Variants in RNF13 observed in about 807,000 individuals in gnomAD.
The protein encoded by RNF13 is E3 ubiquitin-protein ligase RNF13.
RNF13 carries 19 observed loss-of-function variants against 37.7 expected under a neutral mutation model. That is an observed-to-expected ratio of 0.50 (90% CI 0.35 to 0.74). The LOEUF (loss-of-function observed/expected upper bound fraction) is 0.74. RNF13 is among the 30% of genes least tolerant of loss of function. The pLI, the probability that RNF13 is intolerant of heterozygous loss-of-function variation, is 0.01. For missense variants in RNF13, 375 were observed against 453.0 expected (o/e 0.83, Z 1.56); for synonymous variants, 144 against 157.8 (o/e 0.91, Z 0.65).
At chr3:149,928,004 C>CT (rs766839142) in intron 8 of RNF13, among the ~76,000 whole-genome samples, 6,666 of 111,140 alleles carry the variant, frequency 0.06, 224 homozygotes, top group African/African-American at 0.093. Context: ...AAGCAAAAAC[C>CT]TTTTTTTTTT....
chr3:149,844,858 C>A (rs993692600), intron 1 of RNF13, among the ~76,000 whole-genome samples: 1 of 152,070 alleles, frequency 6.6e-6, no homozygotes, highest in Non-Finnish European at 1.5e-5. Flanking sequence ...AGTTGTGCAA[C>A]CATCACCAGA....
At chr3:149,924,034 G>A (rs1226797096) in intron 8 of RNF13, among the ~76,000 whole-genome samples, 1 of 152,174 alleles carries the variant, frequency 6.6e-6, no homozygotes, top group Non-Finnish European at 1.5e-5. Flanking sequence ...GTGGCTTGGG[G>A]TGATATCAGT....
At chr3:149,941,936 A>C (rs1720327510) in intron 8 of RNF13, among the ~76,000 whole-genome samples, 1 of 98,282 alleles carries the variant, frequency 1.0e-5, no homozygotes, top group Non-Finnish European at 2.2e-5. Flanking sequence ...TGGATATCCC[A>C]GTTTTCCCAG....
chr3:149,868,405 ACT>A (rs1238857597), intron 3 of RNF13, among the ~76,000 whole-genome samples: 1 of 149,864 alleles, frequency 6.7e-6, no homozygotes, highest in African/African-American at 2.4e-5. Flanking sequence ...GTGGTGGTAA[ACT>A]CTCTCAACTT....
chr3:149,826,855 C>T (rs1720554020), intron 1 of RNF13, among the ~76,000 whole-genome samples: 1 of 152,196 alleles, frequency 6.6e-6, no homozygotes, highest in Admixed American at 6.5e-5. Flanking sequence ...TTCCTGGGCT[C>T]AAACGATCCT....
intron 7 of RNF13, 105 bp from the exon 8 acceptor site, chr3:149,921,029 T>A (rs907998023): frequency 2.4e-5 from 9 of 382,096 alleles, no homozygotes; most frequent in African/African-American, 1.9e-4. Flanking sequence ...ATTGAATTGA[T>A]TTGCAGTAGC....
intron 3 of RNF13, among the ~76,000 whole-genome samples, chr3:149,861,482 A>G (rs1724250103): frequency 6.6e-6 from 1 of 152,188 alleles, no homozygotes. Context: ...TCACAACATG[A>G]ATGGAATTAG....
chr3:149,890,664 A>C (rs1714602279), intron 4 of RNF13, among the ~76,000 whole-genome samples: 1 of 152,204 alleles, frequency 6.6e-6, no homozygotes, highest in Non-Finnish European at 1.5e-5. Context: ...CTAATCTGCC[A>C]TTCTGCCTTT....
chr3:149,926,417 A>G (rs1576548826), intron 8 of RNF13, among the ~76,000 whole-genome samples: 2 of 152,012 alleles, frequency 1.3e-5, no homozygotes, highest in Admixed American at 6.6e-5. Flanking sequence ...TCACCATGTT[A>G]GCCAGGATGA....
intron 8 of RNF13, chr3:149,939,114 C>T (rs1247718660): frequency 1.8e-5 from 9 of 512,982 alleles, no homozygotes; most frequent in South Asian, 2.9e-5. Context: ...AGGTCCTTTT[C>T]GTGTTTTAGG....
Position 149,860,256 on chromosome 3 carries a change from T to TAA in RNF13, c.195+7674_195+7675dup, listed in dbSNP as rs764889596. 6.3e-3 allele frequency among the ~76,000 whole-genome samples: 365 copies of TAA among 57,774 alleles called. 8 individuals carry two copies. Among genetic ancestry groups the TAA allele is most frequent in the Admixed American group, 0.017 (80 of 4,624 alleles). 37.9% of individuals were successfully genotyped at this position (57,774 alleles called of 152,430 possible). A position where few individuals can be genotyped will look rare whatever the true frequency, so the allele number is the denominator to read the frequency against. ...CTGGGCAACAGAGAGAGACTCCATC[T>TAA]AAAAAAAAAAAAAAATATATATATA... On this transcript the variant is annotated intron_variant, in intron 3 of 9. Coordinates refer to ENST00000392894, the MANE Select transcript of RNF13 (RefSeq NM_183381.3).
At chr3:149,843,835 C>G (rs560196705) in intron 1 of RNF13, among the ~76,000 whole-genome samples, 40 of 152,314 alleles carry the variant, frequency 2.6e-4, no homozygotes, top group Admixed American at 5.9e-4. Flanking sequence ...AAGTCTTCCC[C>G]ATTTGTGAAA....
At position 149,925,596 on chromosome 3, in the gene RNF13, A is replaced by C. The variant is rs541258860; in HGVS notation, c.700+4369A>C. ...TTTCATTCTGTCTTTTAAAGATTTT[A>C]CTTACCCACTTTACTGTTAATTGAC... On this transcript the variant is annotated intron_variant, in intron 8 of 9. Transcript: ENST00000392894. Among the ~76,000 whole-genome samples the C allele has an allele frequency of 2.6e-5, 4 of 152,150 alleles. No individual in the cohort carries two copies. In the East Asian group the frequency reaches 5.8e-4, roughly 22 times the overall value.
chr3:149,840,031 A>G (rs1722012941), intron 1 of RNF13, among the ~76,000 whole-genome samples: 1 of 152,136 alleles, frequency 6.6e-6, no homozygotes, highest in Non-Finnish European at 1.5e-5. Context: ...TTTTCATTCC[A>G]GAAAATTCTT....
At chr3:149,871,081 GCC>G (rs1711994304) in intron 3 of RNF13, among the ~76,000 whole-genome samples, 1 of 128,712 alleles carries the variant, frequency 7.8e-6, no homozygotes. Flanking sequence ...TCGCTCTATC[GCC>G]CAGGCTGGAG....
intron 1 of RNF13, among the ~76,000 whole-genome samples, chr3:149,841,667 T>TG (rs1722193973): frequency 6.6e-6 from 1 of 152,300 alleles, no homozygotes; most frequent in Non-Finnish European, 1.5e-5. Flanking sequence ...TTGCTCAGGC[T>TG]GGAGTGCAGT....
At chr3:149,838,832 A>C (rs1387266947) in intron 1 of RNF13, among the ~76,000 whole-genome samples, 1 of 148,820 alleles carries the variant, frequency 6.7e-6, no homozygotes, top group East Asian at 2.0e-4. Flanking sequence ...TCTCCTCAGA[A>C]AATGGGTTTT....
At chr3:149,878,671 ACTT>A (rs1713031909) in intron 4 of RNF13, among the ~76,000 whole-genome samples, 1 of 152,206 alleles carries the variant, frequency 6.6e-6, no homozygotes, top group Non-Finnish European at 1.5e-5. Context: ...AAGAGATTCT[ACTT>A]CTTAATTTCT....
intron 1 of RNF13, chr3:149,817,240 A>G (rs1719554491): frequency 6.6e-6 from 1 of 152,212 alleles, no homozygotes; most frequent in South Asian, 2.1e-4. Context: ...TAAATTACTC[A>G]CAAGTACAGA....
Sources: gnomAD v4.1 joint callset for allele counts (sites outside exome capture counted in the v4.1 genomes callset) on GRCh38, gnomAD v4.1.1 for gene constraint, MANE v1.5 for transcripts, NCBI Gene and HGNC (gene_info 2026-07-23, HGNC 2026-07-21) for gene names.